NRXN1: variants seen among roughly 807,000 people sequenced by gnomAD.
The protein encoded by NRXN1 is neurexin 1.
Under a neutral mutation model 150.9 loss-of-function variants are expected in NRXN1, and 39 were observed. The ratio of observed to expected loss-of-function variants is 0.26; its 90% CI spans 0.20 to 0.34. The LOEUF is 0.34. NRXN1 is among the 10% of genes least tolerant of loss of function. NRXN1 has a pLI of 1.00. For missense variants in NRXN1, 1,815 were observed against 1,949.9 expected (o/e 0.93, Z 1.30); for synonymous variants, 924 against 757.0 (o/e 1.22, Z -3.62).
At position 50,346,317 on chromosome 2, in the gene NRXN1, C is replaced by G. The variant is rs1312951620; in HGVS notation, c.3365-109347G>C. Among the ~76,000 whole-genome samples the G allele has an allele frequency of 6.6e-6, 1 of 152,166 alleles. No individual in the cohort carries two copies. Among genetic ancestry groups the G allele is most frequent in the Non-Finnish European group, 1.5e-5 (1 of 68,038 alleles). On this transcript the variant is annotated intron_variant, in intron 17 of 22. Coordinates refer to ENST00000401669, the MANE Select transcript of NRXN1 (RefSeq NM_001330078.2). The surrounding 1 kb of genome is among the most constrained non-coding windows in gnomAD (Gnocchi z 5.0). ...AAGGTTCTGCAGAGCCCTCTTCTCT[C>G]TGGTGCTCAGGTCCCTTAGCTGAGC...
chr2:50,291,262 A>G (rs1477411286), intron 17 of NRXN1, among the ~76,000 whole-genome samples: 1 of 152,224 alleles, frequency 6.6e-6, no homozygotes, highest in South Asian at 2.1e-4. Flanking sequence ...TCCCAGATGC[A>G]TGCATCTATT....
intron 17 of NRXN1, among the ~76,000 whole-genome samples, chr2:50,382,191 A>G (rs1572760318): frequency 6.6e-6 from 1 of 152,212 alleles, no homozygotes; most frequent in Non-Finnish European, 1.5e-5. Flanking sequence ...CCTTATCACT[A>G]GCATACAATG....
chr2:50,236,953 A>C lies in NRXN1; in HGVS notation c.3382T>G (p.Phe1128Val). The C allele has an allele frequency of 6.2e-7, 1 of 1,613,288 alleles. No individual in the cohort carries two copies. Among genetic ancestry groups the C allele is most frequent in the Non-Finnish European group, 8.5e-7 (1 of 1,179,534 alleles). ...LCNDPGTTYI[F>V]SKGGGQITYK... Reference sequence around the variant, plus strand: ...GTGATTTGTCCACCACCTTTGCTAAAGATATATGTCGTCCCAGCTGGAAAA... The same window carrying C: ...GTGATTTGTCCACCACCTTTGCTAACGATATATGTCGTCCCAGCTGGAAAA... Residue 1128 changes from phenylalanine to valine, a missense_variant, in exon 18 of 23, where the codon TTT becomes GTT. Physicochemically the swap from Phe to Val is conservative, Grantham distance 50. Coordinates refer to ENST00000401669, the MANE Select transcript of NRXN1 (RefSeq NM_001330078.2).
At position 50,531,280 on chromosome 2, in the gene NRXN1, T is replaced by C. The variant is rs2105207087; in HGVS notation, c.2294A>G (p.Asp765Gly). ...TGCGTCTAGCTCCAGGCGGAGGGTG[T>C]CAGCAGAGTCTCTAGAAGTGGTTGC... ...LMATTSRDSA[D>G]TLRLELDAGR... The change falls in exon 11 of 23, where the codon GAC becomes GGC. Residue 765 changes from aspartate (D) to glycine (G), a missense_variant. Physicochemically the swap from Asp to Gly is moderately conservative, Grantham distance 94. Transcript: ENST00000401669. The C allele has an allele frequency of 3.1e-6, 5 of 1,613,564 alleles. No homozygotes were observed. Among genetic ancestry groups the C allele is most frequent in the Non-Finnish European group, 4.2e-6 (5 of 1,179,710 alleles).
intron 18 of NRXN1, among the ~76,000 whole-genome samples, chr2:50,225,286 T>A (rs1054141376): frequency 1.6e-4 from 25 of 151,752 alleles, no homozygotes; most frequent in Non-Finnish European, 4.4e-5. Context: ...GCAGCAAGAG[T>A]TCACTTATTT....
chr2:50,232,590 T>C (rs997924261), intron 18 of NRXN1, among the ~76,000 whole-genome samples: 9 of 151,906 alleles, frequency 5.9e-5, no homozygotes, highest in African/African-American at 2.4e-5. Flanking sequence ...TTTCACCTTG[T>C]TGGCTAGCAT....
chr2:51,017,333 C>CTT (rs879853887), intron 2 of NRXN1, among the ~76,000 whole-genome samples: 2 of 141,918 alleles, frequency 1.4e-5, no homozygotes, highest in Admixed American at 7.1e-5. Flanking sequence ...TTCTGGGATT[C>CTT]TTTTTTTTTT....
chr2:50,715,856 G>A lies in NRXN1; in HGVS notation c.833-92241C>T, dbSNP rs139488331. On this transcript the variant is annotated intron_variant, in intron 5 of 22. Coordinates refer to ENST00000401669, the MANE Select transcript of NRXN1 (RefSeq NM_001330078.2). The stretch of plus-strand genomic sequence containing the variant: ...TATTGATCTCTTTTCTAATCCTTTT[G>A]TTGCTTGAACTCTCAACGCACTTCT... 2.8e-4 allele frequency among the ~76,000 whole-genome samples: 43 copies of A among 152,070 alleles called. 2 individuals carry two copies. In the East Asian group the frequency reaches 8.3e-3, roughly 29 times the overall value.
At chr2:50,349,099 G>T (rs2078240502) in intron 17 of NRXN1, among the ~76,000 whole-genome samples, 1 of 152,028 alleles carries the variant, frequency 6.6e-6, no homozygotes, top group Admixed American at 6.6e-5. Context: ...GTGTCCAGTG[G>T]CCCCCAAATC....
intron 8 of NRXN1, among the ~76,000 whole-genome samples, chr2:50,576,498 C>G (rs1401977141): frequency 6.6e-6 from 1 of 152,032 alleles, no homozygotes; most frequent in Admixed American, 6.6e-5. Context: ...TTTTCCCCCT[C>G]ATTTCATTGT....
intron 22 of NRXN1, among the ~76,000 whole-genome samples, chr2:49,933,855 T>C (rs1267722632): frequency 1.3e-5 from 2 of 152,214 alleles, no homozygotes; most frequent in Non-Finnish European, 2.9e-5. Context: ...CTCAATCAGC[T>C]GTGGCAGTGA....
chr2:50,557,090 G>C (rs1428888504), intron 8 of NRXN1, among the ~76,000 whole-genome samples: 1 of 152,086 alleles, frequency 6.6e-6, no homozygotes, highest in Admixed American at 6.6e-5. Context: ...GCATCTTCTC[G>C]TACACAGACA....
chr2:50,530,566 C>G (rs758381679), intron 11 of NRXN1, among the ~76,000 whole-genome samples: 1 of 152,120 alleles, frequency 6.6e-6, no homozygotes, highest in Non-Finnish European at 1.5e-5. Flanking sequence ...ATGGGTCTTT[C>G]TTAATGCTAC....
chr2:50,337,407 G>T (rs1169729847), intron 17 of NRXN1, among the ~76,000 whole-genome samples: 1 of 152,062 alleles, frequency 6.6e-6, no homozygotes, highest in Non-Finnish European at 1.5e-5. Flanking sequence ...TTTCTAATTG[G>T]CCTGCTTGGG....
chr2:50,388,875 A>AG (rs887571368), intron 17 of NRXN1, among the ~76,000 whole-genome samples: 1 of 152,004 alleles, frequency 6.6e-6, no homozygotes, highest in Non-Finnish European at 1.5e-5. Context: ...AAAAAAAAAA[A>AG]TATTGTTACT....
intron 21 of NRXN1, among the ~76,000 whole-genome samples, chr2:49,976,533 A>C (rs1436967158): frequency 6.6e-6 from 1 of 152,198 alleles, no homozygotes; most frequent in Non-Finnish European, 1.5e-5. Flanking sequence ...ATGTAGGTTT[A>C]GAAGAGCATG....
At chr2:50,778,853 C>A (rs183617773) in intron 5 of NRXN1, among the ~76,000 whole-genome samples, 2 of 152,180 alleles carry the variant, frequency 1.3e-5, no homozygotes, top group Admixed American at 1.3e-4. Flanking sequence ...AATACAGAAT[C>A]TCTATGGATT....
intron 5 of NRXN1, among the ~76,000 whole-genome samples, chr2:50,728,171 C>A (rs1559176339): frequency 6.6e-6 from 1 of 152,116 alleles, no homozygotes; most frequent in Non-Finnish European, 1.5e-5. Context: ...ACAGAGACTT[C>A]TTCATCTTAT....
intron 5 of NRXN1, among the ~76,000 whole-genome samples, chr2:50,861,710 A>T (rs1180193304): frequency 6.6e-6 from 1 of 152,114 alleles, no homozygotes; most frequent in African/African-American, 2.4e-5. Context: ...GTGTGGCTAT[A>T]GCAATAATTA....
Sources: allele counts gnomAD v4.1 joint callset (sites outside exome capture counted in the v4.1 genomes callset), GRCh38; gene constraint gnomAD v4.1.1; non-coding constraint Gnocchi (gnomAD v3.1); transcripts MANE v1.5; gene names NCBI Gene and HGNC (gene_info 2026-07-23, HGNC 2026-07-21).